MAF: variants seen among roughly 807,000 people sequenced by gnomAD.
MAF encodes transcription factor Maf.
Under a neutral mutation model 22.0 loss-of-function variants are expected in MAF, and 10 were observed. The observed-to-expected ratio is 0.45, with a 90% CI of 0.28 to 0.77. The LOEUF (loss-of-function observed/expected upper bound fraction) is 0.77. Among genes scored for constraint, MAF ranks in the 30% least tolerant of loss-of-function variants. The pLI is 0.12. For synonymous variants in MAF, 337 were observed against 255.8 expected (o/e 1.32, Z -3.03); for missense variants, 544 against 548.4 (o/e 0.99, Z 0.08).
the MAF span, among the ~76,000 whole-genome samples, chr16:79,370,898 G>A: frequency 1.5e-3 from 227 of 152,140 alleles, 2 homozygotes; most frequent in African/African-American, 5.2e-3. Flanking sequence ...CCTTCCTGAC[G>A]TCTTCTGTGG....
At chr16:79,561,295 C>A in the MAF span, among the ~76,000 whole-genome samples, 1 of 151,036 alleles carries the variant, frequency 6.6e-6, no homozygotes, top group Non-Finnish European at 1.5e-5. Context: ...TCCCTCTCTT[C>A]CTAGTTTGAA....
chr16:79,509,582 G>A, the MAF span, among the ~76,000 whole-genome samples: 3 of 152,228 alleles, frequency 2.0e-5, no homozygotes, highest in Non-Finnish European at 2.9e-5. Flanking sequence ...ATTCCTGGCT[G>A]GAGAGGGCCG....
At chr16:79,307,552 G>C in the MAF span, among the ~76,000 whole-genome samples, 1 of 152,152 alleles carries the variant, frequency 6.6e-6, no homozygotes, top group Admixed American at 6.5e-5. Context: ...CGACATGATG[G>C]GCGATAAAAT....
At chr16:79,292,545 A>C in the MAF span, among the ~76,000 whole-genome samples, 3 of 152,206 alleles carry the variant, frequency 2.0e-5, no homozygotes, top group African/African-American at 7.2e-5. Context: ...ACACAGGTAG[A>C]GAGAAAGAAC....
At chr16:79,567,092 G>C in the MAF span, among the ~76,000 whole-genome samples, 1 of 152,330 alleles carries the variant, frequency 6.6e-6, no homozygotes, top group South Asian at 2.1e-4. Context: ...GGCTAAGGCA[G>C]GCAGATCACA....
chr16:79,360,764 C>T, the MAF span, among the ~76,000 whole-genome samples: 1 of 152,132 alleles, frequency 6.6e-6, no homozygotes, highest in African/African-American at 2.4e-5. Flanking sequence ...AGATCCACTG[C>T]AAGAAGGAGT....
At chr16:79,595,732 T>C (rs1164347153) in intron 1 of MAF, 1 of 1,056,988 alleles carries the variant, frequency 9.5e-7, no homozygotes, top group African/African-American at 1.6e-5. Context: ...GTATTATTTT[T>C]TGCTTTTATT....
chr16:79,324,716 A>G, the MAF span, among the ~76,000 whole-genome samples: 2 of 151,982 alleles, frequency 1.3e-5, no homozygotes, highest in Admixed American at 6.6e-5. Context: ...TCAGACGGGC[A>G]CTCCTGGAAA....
the MAF span, among the ~76,000 whole-genome samples, chr16:79,481,524 T>C: frequency 6.6e-6 from 1 of 151,958 alleles, no homozygotes; most frequent in Non-Finnish European, 1.5e-5. Context: ...GTCCCATCCA[T>C]CCTCAAATTC....
the MAF span, among the ~76,000 whole-genome samples, chr16:79,362,402 G>A: frequency 6.6e-6 from 1 of 152,078 alleles, no homozygotes; most frequent in African/African-American, 2.4e-5. Context: ...GGAGATCCCA[G>A]TGCTTGCCTC....
the MAF span, among the ~76,000 whole-genome samples, chr16:79,419,962 A>G: frequency 6.6e-6 from 1 of 151,966 alleles, no homozygotes; most frequent in Non-Finnish European, 1.5e-5. Flanking sequence ...GTCCTGGAGT[A>G]TAACCAGTGA....
At chr16:79,554,605 A>G in the MAF span, among the ~76,000 whole-genome samples, 2 of 152,286 alleles carry the variant, frequency 1.3e-5, no homozygotes, top group South Asian at 2.1e-4. Flanking sequence ...CTTTGTCTCT[A>G]CTGATGCGGC....
At chr16:79,363,008 C>T in the MAF span, among the ~76,000 whole-genome samples, 3 of 152,164 alleles carry the variant, frequency 2.0e-5, no homozygotes, top group African/African-American at 7.2e-5. Context: ...ATTTCAACTG[C>T]AAAGTCATTT....
At chr16:79,502,870 G>A in the MAF span, among the ~76,000 whole-genome samples, 3 of 149,514 alleles carry the variant, frequency 2.0e-5, no homozygotes, top group African/African-American at 4.9e-5. Flanking sequence ...TCTCTTTAAC[G>A]TGGTGGTTAC....
chr16:79,316,561 T>C, the MAF span, among the ~76,000 whole-genome samples: 2 of 152,162 alleles, frequency 1.3e-5, no homozygotes, highest in Non-Finnish European at 2.9e-5. Context: ...TTTTTCAGCA[T>C]GCAATTAACC....
the MAF span, among the ~76,000 whole-genome samples, chr16:79,448,673 C>T: frequency 5.3e-5 from 8 of 152,076 alleles, no homozygotes; most frequent in African/African-American, 1.9e-4. Flanking sequence ...GATCCACACG[C>T]CTCAACCTCC....
the MAF span, among the ~76,000 whole-genome samples, chr16:79,408,746 A>G: frequency 6.6e-6 from 1 of 151,246 alleles, no homozygotes; most frequent in Non-Finnish European, 1.5e-5. Flanking sequence ...CAAATAATGT[A>G]TTAAACACCT....
the MAF span, among the ~76,000 whole-genome samples, chr16:79,535,647 T>C: frequency 7.1e-6 from 1 of 139,914 alleles, no homozygotes; most frequent in Non-Finnish European, 1.5e-5. Context: ...TGGAGTGCAA[T>C]GGTGACATCT....
At chr16:79,591,052 G>T (rs1913162852), downstream of MAF, among the ~76,000 whole-genome samples, 1 of 152,102 alleles carries the variant, frequency 6.6e-6, no homozygotes, top group African/African-American at 2.4e-5. Flanking sequence ...AATCCTTGTT[G>T]GGGATTCTGG....
Sources: gnomAD v4.1 joint callset for allele counts (sites outside exome capture counted in the v4.1 genomes callset) on GRCh38, gnomAD v4.1.1 for gene constraint, MANE v1.5 for transcripts, NCBI Gene and HGNC (gene_info 2026-07-23, HGNC 2026-07-21) for gene names.